The following TMEM38B variants were observed in gnomAD, a reference collection of about 807,000 sequenced individuals.
TMEM38B encodes the protein transmembrane protein 38B, also known as trimeric intracellular cation channel type B.
Under a neutral mutation model 28.7 loss-of-function variants are expected in TMEM38B, and 24 were observed. The ratio of observed to expected loss-of-function variants is 0.84; its 90% CI spans 0.61 to 1.18. The LOEUF (loss-of-function observed/expected upper bound fraction) is 1.18. Among genes scored for constraint, TMEM38B ranks in the 50% most tolerant of loss-of-function variants. The probability of loss-of-function intolerance (pLI) is 0.00; values close to 1 mark genes in which losing one functional copy is unlikely to be tolerated. For synonymous variants in TMEM38B, 131 were observed against 127.7 expected (o/e 1.03, Z -0.17); for missense variants, 380 against 350.9 (o/e 1.08, Z -0.66).
chr9:105,731,712 G>T (rs1481939558), intron 4 of TMEM38B, among the ~76,000 whole-genome samples: 2 of 152,152 alleles, frequency 1.3e-5, no homozygotes, highest in Non-Finnish European at 2.9e-5. Context: ...ATCATTGTTG[G>T]ATATTTGGGT....
intron 2 of TMEM38B, among the ~76,000 whole-genome samples, chr9:105,716,579 A>G (rs1385538483): frequency 6.6e-6 from 1 of 152,214 alleles, no homozygotes; most frequent in Non-Finnish European, 1.5e-5. Context: ...ATACCTTGTC[A>G]CATAGTTTTG....
chr9:105,705,341 G>T (rs752147379), intron 1 of TMEM38B, among the ~76,000 whole-genome samples: 70 of 152,148 alleles, frequency 4.6e-4, no homozygotes, highest in African/African-American at 9.2e-4. Flanking sequence ...TAGGAAACTG[G>T]CAATGACAGC....
intron 4 of TMEM38B, among the ~76,000 whole-genome samples, chr9:105,737,088 G>C (rs920280751): frequency 6.6e-6 from 1 of 152,230 alleles, no homozygotes; most frequent in South Asian, 2.1e-4. Flanking sequence ...GCTGCAGGGT[G>C]CGTGCTTGGA....
At chr9:105,717,156 A>C (rs1326708663) in intron 2 of TMEM38B, among the ~76,000 whole-genome samples, 1 of 152,106 alleles carries the variant, frequency 6.6e-6, no homozygotes, top group Non-Finnish European at 1.5e-5. Flanking sequence ...CAGAACCCTT[A>C]CCATTAGTTT....
At chr9:105,764,721 C>T (rs1038508792) in intron 5 of TMEM38B, among the ~76,000 whole-genome samples, 5 of 150,702 alleles carry the variant, frequency 3.3e-5, no homozygotes, top group East Asian at 1.9e-4. Flanking sequence ...TCACAGAATT[C>T]GAAAAAACTA....
At chr9:105,709,060 C>T (rs1001255406) in intron 2 of TMEM38B, among the ~76,000 whole-genome samples, 1 of 151,198 alleles carries the variant, frequency 6.6e-6, no homozygotes, top group African/African-American at 2.4e-5. Context: ...ATAAAATGTA[C>T]ATGTAAATCA....
chr9:105,759,175 T>G, intron 5 of TMEM38B: 1 of 753,944 alleles, frequency 1.3e-6, no homozygotes, highest in Non-Finnish European at 2.5e-6. Flanking sequence ...GATTATTTTC[T>G]AGATCTCCTT....
intron 2 of TMEM38B, among the ~76,000 whole-genome samples, chr9:105,712,817 C>A (rs1325878844): frequency 6.6e-6 from 1 of 152,232 alleles, no homozygotes; most frequent in Non-Finnish European, 1.5e-5. Context: ...CCACACCCCC[C>A]ACAGCCCACC....
At chr9:105,738,202 C>T (rs1338762272) in intron 4 of TMEM38B, among the ~76,000 whole-genome samples, 1 of 151,922 alleles carries the variant, frequency 6.6e-6, no homozygotes, top group Non-Finnish European at 1.5e-5. Flanking sequence ...CTCAGCTGGG[C>T]TCAGTACCTA....
At chr9:105,708,505 CTTA>C (rs1024447315) in intron 2 of TMEM38B, among the ~76,000 whole-genome samples, 1 of 152,148 alleles carries the variant, frequency 6.6e-6, no homozygotes, top group African/African-American at 2.4e-5. Flanking sequence ...AATTTCTTAT[CTTA>C]TTAAGAACAA....
chr9:105,723,333 C>T (rs1230313260), intron 4 of TMEM38B, among the ~76,000 whole-genome samples: 1 of 152,112 alleles, frequency 6.6e-6, no homozygotes, highest in Non-Finnish European at 1.5e-5. Flanking sequence ...GTAATCCTCC[C>T]ACTTCAGCCT....
At chr9:105,722,853 A>C (rs1448725432) in intron 4 of TMEM38B, among the ~76,000 whole-genome samples, 1 of 152,196 alleles carries the variant, frequency 6.6e-6, no homozygotes, top group Non-Finnish European at 1.5e-5. Context: ...TCCTTAGAAA[A>C]CAAAATCAAA....
chr9:105,729,678 G>A (rs1431566713), intron 4 of TMEM38B, among the ~76,000 whole-genome samples: 7 of 152,076 alleles, frequency 4.6e-5, no homozygotes, highest in Non-Finnish European at 1.0e-4. Flanking sequence ...GGGCAGTATG[G>A]CCATTTTCAC....
At chr9:105,715,742 T>A (rs1239323403) in intron 2 of TMEM38B, among the ~76,000 whole-genome samples, 2 of 152,132 alleles carry the variant, frequency 1.3e-5, no homozygotes, top group Non-Finnish European at 1.5e-5. Flanking sequence ...GAGTGTTGAA[T>A]CTTTGGTTCT....
chr9:105,763,182 T>C lies in TMEM38B; in HGVS notation c.661-10683T>C, dbSNP rs866636719. On this transcript the variant is annotated intron_variant, in intron 5 of 5. Coordinates refer to ENST00000374692, the MANE Select transcript of TMEM38B (RefSeq NM_018112.3). ...AGCCCTTTGTCAGATGAGTAGGTTG[T>C]GAAAATTTTCTCCCATTTTGTAGGT... is the stretch of plus-strand genomic sequence containing the variant. 5.8e-3 allele frequency among the ~76,000 whole-genome samples: 879 copies of C among 151,902 alleles called. 15 individuals are homozygous for C. The highest frequency in any genetic ancestry group is 0.02 in the African/African-American group (837 of 41,358).
chr9:105,744,889 C>T (rs1158993883), intron 4 of TMEM38B, among the ~76,000 whole-genome samples: 1 of 152,174 alleles, frequency 6.6e-6, no homozygotes, highest in Non-Finnish European at 1.5e-5. Flanking sequence ...TTTCCAGCTT[C>T]ATCCATGTCC....
At chr9:105,734,971 TG>T (rs1219366328) in intron 4 of TMEM38B, among the ~76,000 whole-genome samples, 1 of 152,048 alleles carries the variant, frequency 6.6e-6, no homozygotes, top group East Asian at 1.9e-4. Flanking sequence ...TTTTGTTAAT[TG>T]TTTTCTGTTT....
At position 105,767,793 on chromosome 9, in the gene TMEM38B, C is replaced by T. The variant is rs570700251; in HGVS notation, c.661-6072C>T. Among the ~76,000 whole-genome samples, 5 of 152,192 alleles carry T rather than the reference C, an allele frequency of 3.3e-5. No homozygotes were observed. The East Asian group carries it at 7.7e-4, about 23-fold the overall frequency. ...TAATCTTACACATTGTTCTTGTATC[C>T]TGTGACCTTGCTAAATTGCCTGTTG... On this transcript the variant is annotated intron_variant, in intron 5 of 5. Transcript: ENST00000374692.
rs187012807 is a variant in TMEM38B at position 105,760,496 on chromosome 9, C to A, written c.660+12306C>A. 6.1e-4 allele frequency: 452 copies of A among 744,440 alleles called. 1 individual carries two copies. The highest frequency in any genetic ancestry group is 2.2e-3 in the Admixed American group (108 of 50,196). 46.1% of individuals were successfully genotyped at this position (744,440 alleles called of 1,614,324 possible). A position where few individuals can be genotyped will look rare whatever the true frequency, so the allele number is the denominator to read the frequency against. On this transcript the variant is annotated intron_variant, in intron 5 of 5. Transcript: ENST00000374692. Reference sequence around the variant, plus strand: ...TATTCATACTGTAAGCAGATTAGTGCTCAGGACTTTGAAAAGCAAAAAGTT... The same window carrying A: ...TATTCATACTGTAAGCAGATTAGTGATCAGGACTTTGAAAAGCAAAAAGTT...
Sources: allele counts gnomAD v4.1 joint callset (sites outside exome capture counted in the v4.1 genomes callset), GRCh38; gene constraint gnomAD v4.1.1; transcripts MANE v1.5; gene names NCBI Gene and HGNC (gene_info 2026-07-23, HGNC 2026-07-21).